USP15: variants seen among roughly 807,000 people sequenced by gnomAD.
The protein encoded by USP15 is ubiquitin specific peptidase 15, also known as ubiquitin carboxyl-terminal hydrolase 15.
USP15 carries 18 observed loss-of-function variants against 127.1 expected under a neutral mutation model. The ratio of observed to expected loss-of-function variants is 0.14; its 90% confidence interval spans 0.10 to 0.21. The LOEUF is 0.21. Ranked by LOEUF, USP15 falls within the 10% of genes least tolerant of loss-of-function variation. The pLI, the probability that USP15 is intolerant of heterozygous loss-of-function variation, is 1.00. For synonymous variants in USP15, 364 were observed against 393.7 expected, an observed-to-expected ratio of 0.92 and a Z score of 0.89; for missense variants, 805 against 1,159.9, an observed-to-expected ratio of 0.69 and a Z score of 4.44.
At chr12:62,400,836 C>T (rs2067663425) in intron 20 of USP15, among the ~76,000 whole-genome samples, 2 of 151,808 alleles carry the variant, frequency 1.3e-5, no homozygotes, top group South Asian at 4.2e-4. Context: ...ATGATAATAC[C>T]TTCTTTATGA....
intron 8 of USP15, among the ~76,000 whole-genome samples, chr12:62,361,774 C>G (rs1407667514): frequency 1.3e-5 from 2 of 151,854 alleles, no homozygotes. Flanking sequence ...AATCAAGCAG[C>G]TCATTTTTTT....
intron 8 of USP15, among the ~76,000 whole-genome samples, chr12:62,368,907 C>G (rs531087074): frequency 6.6e-6 from 1 of 152,240 alleles, no homozygotes; most frequent in East Asian, 1.9e-4. Context: ...TGTCAATGGT[C>G]TTTACAATTT....
chr12:62,385,728 A>G (rs2067128302), intron 11 of USP15, among the ~76,000 whole-genome samples: 1 of 152,026 alleles, frequency 6.6e-6, no homozygotes, highest in African/African-American at 2.4e-5. Context: ...TATAAGTACA[A>G]GATTGTCAAC....
At chr12:62,298,485 T>G (rs2064202029) in intron 2 of USP15, among the ~76,000 whole-genome samples, 1 of 152,010 alleles carries the variant, frequency 6.6e-6, no homozygotes, top group Non-Finnish European at 1.5e-5. Context: ...GCCAACATGG[T>G]GAAACCCCGT....
At chr12:62,388,218 C>T (rs978586973) in intron 11 of USP15, among the ~76,000 whole-genome samples, 3 of 150,830 alleles carry the variant, frequency 2.0e-5, no homozygotes, top group African/African-American at 7.3e-5. Flanking sequence ...CTGCAACCTC[C>T]GCCTCCTGGG....
At chr12:62,315,599 C>T (rs1339523308) in intron 4 of USP15, among the ~76,000 whole-genome samples, 4 of 151,942 alleles carry the variant, frequency 2.6e-5, no homozygotes, top group African/African-American at 9.7e-5. Flanking sequence ...AGTTGTAAAA[C>T]AAGATTAATG....
intron 8 of USP15, among the ~76,000 whole-genome samples, chr12:62,363,547 A>T (rs1015911910): frequency 4.6e-5 from 7 of 152,120 alleles, no homozygotes; most frequent in African/African-American, 1.7e-4. Flanking sequence ...GTGCTTCTTC[A>T]GTCACCCTGT....
chr12:62,327,541 T>C, intron 6 of USP15: 1 of 365,924 alleles, frequency 2.7e-6, no homozygotes, highest in South Asian at 2.1e-5. Context: ...CAAAATTGTT[T>C]GTGGATTAAT....
intron 6 of USP15, among the ~76,000 whole-genome samples, chr12:62,339,441 G>T (rs942194650): frequency 1.3e-5 from 2 of 152,116 alleles, no homozygotes; most frequent in Non-Finnish European, 2.9e-5. Flanking sequence ...AATAGGAGTG[G>T]TGAGAGGGCA....
chr12:62,313,998 T>C (rs2064758090), intron 3 of USP15: 1 of 892,260 alleles, frequency 1.1e-6, no homozygotes, highest in Non-Finnish European at 1.3e-6. Context: ...TCAGAAACAG[T>C]ATTCATGACT....
chr12:62,291,263 T>C (rs772940018), intron 1 of USP15, among the ~76,000 whole-genome samples: 5 of 152,208 alleles, frequency 3.3e-5, no homozygotes, highest in Non-Finnish European at 7.3e-5. Context: ...GCTTTGTTCA[T>C]CTTTAACATT....
chr12:62,341,642 T>C lies in USP15; in HGVS notation c.684-7579T>C, dbSNP rs1237934207. Reference sequence around the variant, plus strand: ...TTATTTCTCCTTTGCTTCTGAAGCTTTGTTTGCCTGGATATGAAACTCTGG... The same window carrying C: ...TTATTTCTCCTTTGCTTCTGAAGCTCTGTTTGCCTGGATATGAAACTCTGG... On this transcript the variant is annotated intron_variant, in intron 6 of 21. Coordinates refer to ENST00000280377, the MANE Select transcript of USP15 (RefSeq NM_001252078.2). Among the ~76,000 whole-genome samples the C allele has an allele frequency of 2.6e-5, 4 of 152,340 alleles. No homozygotes were observed. The East Asian group carries it at 5.8e-4, about 22-fold the overall frequency.
intron 1 of USP15, among the ~76,000 whole-genome samples, chr12:62,291,691 A>T (rs1231252214): frequency 2.0e-5 from 3 of 152,114 alleles, no homozygotes; most frequent in Non-Finnish European, 2.9e-5. Context: ...TGAGGATGTG[A>T]CTGTAATGTA....
chr12:62,299,199 A>G (rs2064227691), intron 2 of USP15, among the ~76,000 whole-genome samples: 1 of 152,020 alleles, frequency 6.6e-6, no homozygotes. Context: ...CAACCTCCGC[A>G]TCCCAGGTTC....
chr12:62,277,259 A>G (rs533695238), intron 1 of USP15, among the ~76,000 whole-genome samples: 3 of 152,142 alleles, frequency 2.0e-5, no homozygotes, highest in Non-Finnish European at 4.4e-5. Flanking sequence ...TGGTATTTAT[A>G]TATTTCCTAA....
chr12:62,286,655 T>A (rs2063795846), intron 1 of USP15, among the ~76,000 whole-genome samples: 1 of 152,102 alleles, frequency 6.6e-6, no homozygotes, highest in Non-Finnish European at 1.5e-5. Context: ...ATGTGATACA[T>A]GGCCGGGCGT....
chr12:62,378,530 A>G lies in USP15; in HGVS notation c.916-2960A>G, dbSNP rs140701146. 3.4e-3 allele frequency among the ~76,000 whole-genome samples: 518 copies of G among 152,320 alleles called. 5 individuals are homozygous for G. The highest frequency in any genetic ancestry group is 0.012 in the African/African-American group (504 of 41,582). On this transcript the variant is annotated intron_variant, in intron 8 of 21. Transcript: ENST00000280377. The stretch of plus-strand genomic sequence containing the variant: ...ATAACACAGGCAAATTATCATTAAA[A>G]TGATTTGTGTTTTGTTGTTATTTGT...
Position 62,411,370 on chromosome 12 carries a change from TTCA to T in USP15, c.*6999_*7001del, listed in dbSNP as rs1171465546. The T allele has an allele frequency of 1.3e-5, 2 of 152,234 alleles. No homozygotes were observed. Among genetic ancestry groups the T allele is most frequent in the African/African-American group, 4.8e-5 (2 of 41,454 alleles). 9.4% of individuals were successfully genotyped at this position (152,234 alleles called of 1,614,324 possible). ...AGGCCTCTAGAGCTTCATTCATTCC[TTCA>T]TCAAATATTTTTTGAGTGTCCACTA... On this transcript the variant is annotated 3_prime_UTR_variant, in exon 22 of 22. Coordinates refer to ENST00000280377, the MANE Select transcript of USP15 (RefSeq NM_001252078.2).
chr12:62,284,690 T>A (rs1196084926), intron 1 of USP15, among the ~76,000 whole-genome samples: 1 of 152,156 alleles, frequency 6.6e-6, no homozygotes, highest in Non-Finnish European at 1.5e-5. Flanking sequence ...TACCTTTGAT[T>A]CTGCTTGTGA....
Sources: allele counts gnomAD v4.1 joint callset (sites outside exome capture counted in the v4.1 genomes callset), GRCh38; gene constraint gnomAD v4.1.1; transcripts MANE v1.5; gene names NCBI Gene and HGNC (gene_info 2026-07-23, HGNC 2026-07-21).